Variants in PRSS3 observed in about 807,000 individuals in gnomAD.
PRSS3 encodes the protein serine protease 3.
PRSS3 carries 14 observed loss-of-function variants against 20.8 expected under a neutral mutation model. That is an observed-to-expected ratio of 0.67 (90% CI 0.44 to 1.05). The LOEUF is 1.05. Among genes scored for constraint, PRSS3 ranks in the 50% least tolerant of loss-of-function variants. The probability of loss-of-function intolerance (pLI) is 0.00; values close to 1 mark genes in which losing one functional copy is unlikely to be tolerated. For missense variants in PRSS3, 237 were observed against 306.4 expected (o/e 0.77, Z 1.69); for synonymous variants, 91 against 117.6 (o/e 0.77, Z 1.46).
rs1166544242 is a variant in PRSS3 at position 33,796,716 on chromosome 9, G to C, written c.114G>C (p.Gln38His). ...GTGAGGAGAATTCTCTCCCCTACCA[G>C]GTGTCCCTGAATTCTGGCTCCCACT... ...YTCEENSLPY[Q>H]VSLNSGSHFC... The change falls in exon 2 of 5, where the codon CAG (glutamine) becomes CAC (histidine). Residue 38 changes from glutamine to histidine, a missense_variant. Coordinates refer to ENST00000379405, the MANE Select transcript of PRSS3 (RefSeq NM_002771.4). 11 of 1,614,018 alleles carry C rather than the reference G, an allele frequency of 6.8e-6. No homozygotes were observed. The highest frequency in any genetic ancestry group is 9.3e-6 in the Non-Finnish European group (11 of 1,179,872).
chr9:33,779,473 A>G (rs143932387), intron 1 of PRSS3, among the ~76,000 whole-genome samples: 115 of 152,336 alleles, frequency 7.5e-4, no homozygotes, highest in African/African-American at 2.5e-3. Context: ...GTAAATTATT[A>G]ATTAACAGCA....
chr9:33,767,271 C>A (rs1377431225), intron 1 of PRSS3, among the ~76,000 whole-genome samples: 1 of 145,370 alleles, frequency 6.9e-6, no homozygotes, highest in African/African-American at 2.6e-5. Flanking sequence ...CCTGGCCCGA[C>A]AGAGGGAGAC....
Position 33,756,502 on chromosome 9 carries a change from G to A in PRSS3, c.-53+5775G>A, listed in dbSNP as rs118133917. Among the ~76,000 whole-genome samples, 502 of 151,960 alleles carry A rather than the reference G, an allele frequency of 3.3e-3. 19 individuals carry two copies. In the East Asian group the frequency reaches 0.088, roughly 27 times the overall value. On this transcript the variant is annotated intron_variant, in intron 1 of 5. Transcript: ENST00000342836. ...TTTTCTTCTGTTATATAATTTTCTC[G>A]TTCTTTCTTTCTGAAACTTAAATTA...
At chr9:33,770,271 G>C (rs1823625992) in intron 1 of PRSS3, among the ~76,000 whole-genome samples, 1 of 152,172 alleles carries the variant, frequency 6.6e-6, no homozygotes, top group South Asian at 2.1e-4. Context: ...TGCCTGTCCT[G>C]TTTGGGAAGC....
chr9:33,762,346 C>T (rs1363668376), intron 1 of PRSS3, among the ~76,000 whole-genome samples: 3 of 152,138 alleles, frequency 2.0e-5, no homozygotes, highest in Non-Finnish European at 4.4e-5. Context: ...GACTCTGGAC[C>T]TCCTCAGGCC....
At chr9:33,761,295 G>A (rs1268297187) in intron 1 of PRSS3, among the ~76,000 whole-genome samples, 2 of 152,272 alleles carry the variant, frequency 1.3e-5, no homozygotes, top group East Asian at 1.9e-4. Flanking sequence ...AGGCGTGAGC[G>A]CTTTTTCCAA....
intron 1 of PRSS3, among the ~76,000 whole-genome samples, chr9:33,766,604 G>A (rs1371960926): frequency 1.3e-5 from 2 of 151,026 alleles, no homozygotes; most frequent in East Asian, 3.9e-4. Context: ...AATAAATAAA[G>A]GAATGAAGTG....
At chr9:33,761,006 C>T (rs1342289339) in intron 1 of PRSS3, among the ~76,000 whole-genome samples, 3 of 152,184 alleles carry the variant, frequency 2.0e-5, no homozygotes, top group African/African-American at 7.2e-5. Context: ...TGAGGCCTAC[C>T]CAGTTTCTCA....
chr9:33,779,867 TAAAAAAA>T (rs35501160), intron 1 of PRSS3, among the ~76,000 whole-genome samples: 3 of 31,854 alleles, frequency 9.4e-5, no homozygotes, highest in African/African-American at 1.6e-4. Flanking sequence ...AGACTCTGTC[TAAAAAAA>T]AAAAAAAAAA....
chr9:33,750,919 G>A lies in PRSS3; in HGVS notation c.-53+192G>A. The A allele has an allele frequency of 7.8e-7, 1 of 1,283,240 alleles. No individual in the cohort carries two copies. Among genetic ancestry groups the A allele is most frequent in the East Asian group, 3.1e-5 (1 of 32,340 alleles). The allele number at this position is 1,283,240 out of a possible 1,614,324, so 79.5% of individuals were successfully genotyped here. A position where few individuals can be genotyped will look rare whatever the true frequency, so the allele number is the denominator to read the frequency against. On this transcript the variant is annotated intron_variant, in intron 1 of 5. Coordinates refer to the PRSS3 transcript ENST00000342836. The surrounding 1 kb of genome is among the most constrained non-coding windows in gnomAD (Gnocchi z 4.8). Reference sequence around the variant, plus strand: ...GGACAGGGATGGAGGCTCCTCTAGGGGAGGACGGGAGGGGATGGAGGGCCC... The same window carrying A: ...GGACAGGGATGGAGGCTCCTCTAGGAGAGGACGGGAGGGGATGGAGGGCCC...
intron 1 of PRSS3, among the ~76,000 whole-genome samples, chr9:33,760,026 T>C (rs1246103135): frequency 2.0e-5 from 3 of 152,164 alleles, no homozygotes; most frequent in Admixed American, 2.0e-4. Context: ...AAATGTTCCT[T>C]AGTGGCCTGG....
At chr9:33,786,754 C>T in intron 1 of PRSS3, 2 of 766,076 alleles carry the variant, frequency 2.6e-6, no homozygotes, top group Non-Finnish European at 4.8e-6. Flanking sequence ...GCCGCCCAAA[C>T]CTAACATTCT....
intron 1 of PRSS3, among the ~76,000 whole-genome samples, chr9:33,762,871 G>A (rs956365883): frequency 1.8e-4 from 28 of 152,198 alleles, no homozygotes; most frequent in Admixed American, 1.4e-3. Flanking sequence ...AATAGTGTAC[G>A]AGCACCAGAC....
intron 1 of PRSS3, chr9:33,786,964 C>A: frequency 1.7e-6 from 1 of 584,158 alleles, no homozygotes; most frequent in South Asian, 2.2e-5. Flanking sequence ...GACACAGCTG[C>A]TTCTGTGCTT....
At chr9:33,786,424 C>T (rs1398493341) in intron 1 of PRSS3, 11 of 681,908 alleles carry the variant, frequency 1.6e-5, no homozygotes, top group African/African-American at 3.6e-5. Context: ...GAGGCAGTGC[C>T]CTGGGGTCCT....
chr9:33,757,417 T>C (rs1047803817), intron 1 of PRSS3, among the ~76,000 whole-genome samples: 1 of 152,076 alleles, frequency 6.6e-6, no homozygotes, highest in Non-Finnish European at 1.5e-5. Context: ...TCCAAATCCA[T>C]GCAATTTTTC....
At chr9:33,762,845 C>T (rs1023746006) in intron 1 of PRSS3, among the ~76,000 whole-genome samples, 2 of 152,164 alleles carry the variant, frequency 1.3e-5, no homozygotes, top group African/African-American at 4.8e-5. Flanking sequence ...CCAAGTCTCT[C>T]CCCTATTATT....
intron 1 of PRSS3, among the ~76,000 whole-genome samples, chr9:33,785,259 G>A (rs1824351200): frequency 7.4e-6 from 1 of 134,292 alleles, no homozygotes; most frequent in East Asian, 2.4e-4. Context: ...CTCACTGCAA[G>A]CTCCGCCTCC....
chr9:33,766,261 CTCAAAAAAA>C (rs1563958503), intron 1 of PRSS3, among the ~76,000 whole-genome samples: 1 of 28,336 alleles, frequency 3.5e-5, no homozygotes, highest in Admixed American at 5.6e-4. Context: ...CAGATTCCGT[CTCAAAAAAA>C]AAAAAAAAAA....
Sources: allele counts gnomAD v4.1 joint callset (sites outside exome capture counted in the v4.1 genomes callset), GRCh38; gene constraint gnomAD v4.1.1; non-coding constraint Gnocchi (gnomAD v3.1); transcripts MANE v1.5; gene names NCBI Gene and HGNC (gene_info 2026-07-23, HGNC 2026-07-21).